The following ENPP3 variants were observed in gnomAD, a reference collection of about 807,000 sequenced individuals.
ENPP3 encodes ectonucleotide pyrophosphatase/phosphodiesterase 3.
A neutral mutation model predicts 117.8 loss-of-function variants in ENPP3; 104 were observed. The observed-to-expected ratio is 0.88, with a 90% CI of 0.75 to 1.04. The LOEUF (loss-of-function observed/expected upper bound fraction) is 1.04, where lower values mean the gene tolerates loss of function less well. ENPP3 is among the 50% of genes least tolerant of loss of function. The pLI is 0.00. For synonymous variants in ENPP3, 380 were observed against 349.9 expected (o/e 1.09, Z -0.96); for missense variants, 1,026 against 1,051.9 (o/e 0.98, Z 0.34).
chr6:131,739,598 T>A (rs1016021371), intron 23 of ENPP3, among the ~76,000 whole-genome samples: 1 of 146,348 alleles, frequency 6.8e-6, no homozygotes, highest in Non-Finnish European at 1.5e-5. Flanking sequence ...CTCTGCTTTT[T>A]TTTTTTTTTT....
chr6:131,696,114 A>G (rs1779399802), intron 15 of ENPP3, among the ~76,000 whole-genome samples: 1 of 152,196 alleles, frequency 6.6e-6, no homozygotes, highest in Non-Finnish European at 1.5e-5. Context: ...TTTCATCATC[A>G]TCATCTTTAT....
At chr6:131,645,652 C>A (rs1050911443) in intron 2 of ENPP3, among the ~76,000 whole-genome samples, 5 of 152,210 alleles carry the variant, frequency 3.3e-5, no homozygotes, top group Non-Finnish European at 7.3e-5. Flanking sequence ...TCTAACCTAA[C>A]ACTTGACAGT....
intron 14 of ENPP3, among the ~76,000 whole-genome samples, chr6:131,689,459 T>C (rs1779230502): frequency 6.6e-6 from 1 of 152,186 alleles, no homozygotes; most frequent in Non-Finnish European, 1.5e-5. Flanking sequence ...CAACAAAGCC[T>C]GATGACAGCT....
At chr6:131,660,989 G>A (rs555440380) in intron 6 of ENPP3, among the ~76,000 whole-genome samples, 50 of 152,188 alleles carry the variant, frequency 3.3e-4, no homozygotes, top group African/African-American at 9.4e-4. Flanking sequence ...CAGTATTAGC[G>A]TGTCTGTGAC....
chr6:131,689,264 C>G (rs1029323410), intron 14 of ENPP3, among the ~76,000 whole-genome samples: 4 of 152,166 alleles, frequency 2.6e-5, no homozygotes, highest in Non-Finnish European at 5.9e-5. Context: ...AAGATGCCAT[C>G]TAGGACTTTC....
chr6:131,726,406 G>C (rs1780156061), intron 20 of ENPP3, among the ~76,000 whole-genome samples: 1 of 152,162 alleles, frequency 6.6e-6, no homozygotes, highest in Non-Finnish European at 1.5e-5. Flanking sequence ...GTTTTACCTG[G>C]AGAAAATGGA....
intron 14 of ENPP3, among the ~76,000 whole-genome samples, chr6:131,688,281 C>T (rs745625362): frequency 6.6e-6 from 1 of 152,262 alleles, no homozygotes; most frequent in East Asian, 1.9e-4. Flanking sequence ...CTTCTGGACT[C>T]TTCTATTCCC....
intron 24 of ENPP3, among the ~76,000 whole-genome samples, chr6:131,740,666 A>T (rs1002465538): frequency 2.6e-5 from 4 of 152,230 alleles, no homozygotes; most frequent in African/African-American, 9.6e-5. Flanking sequence ...AATCTTGTTA[A>T]TCTCTTTTTT....
intron 19 of ENPP3, among the ~76,000 whole-genome samples, chr6:131,724,878 G>A (rs1780119161): frequency 1.3e-5 from 2 of 151,680 alleles, no homozygotes; most frequent in South Asian, 2.1e-4. Context: ...CTATTAGGTT[G>A]GTGCAAAATT....
At chr6:131,680,710 A>G (rs1290389139) in intron 11 of ENPP3, among the ~76,000 whole-genome samples, 7 of 152,202 alleles carry the variant, frequency 4.6e-5, no homozygotes, top group Admixed American at 2.6e-4. Flanking sequence ...AGGCGATTTT[A>G]GTTTATTTTG....
At position 131,674,173 on chromosome 6, in the gene ENPP3, A is replaced by G. The variant is rs9493048; in HGVS notation, c.654A>G (p.Pro218=). 213,987 of 1,538,632 alleles carry G rather than the reference A, an allele frequency of 0.14. 22,487 individuals carry two copies. The highest frequency in any genetic ancestry group is 0.47 in the African/African-American group (33,608 of 71,778). The part of the protein sequence containing the change: ...NHYTIVTGLY[P]ESHGIIDNNM... ...AATTATCATTTTAGGGCTTGTATCC[A>G]GAGTCACATGGCATCATTGACAATA... Residue 218 remains proline, a synonymous_variant, in exon 8 of 25, where the codon CCA becomes CCG. Transcript: ENST00000357639.
intron 2 of ENPP3, 140 bp downstream of exon 2, chr6:131,641,670 C>G (rs1050760815): frequency 7.2e-6 from 4 of 555,780 alleles, no homozygotes; most frequent in Admixed American, 5.5e-5. Flanking sequence ...CCTTTCCCCA[C>G]TCTACTTATC....
chr6:131,684,771 TATAAATTTA>T (rs1253914415), intron 12 of ENPP3, among the ~76,000 whole-genome samples: 2 of 152,212 alleles, frequency 1.3e-5, no homozygotes, highest in Non-Finnish European at 2.9e-5. Flanking sequence ...GTACTCCTTA[TATAAATTTA>T]AATTACTTTA....
intron 22 of ENPP3, among the ~76,000 whole-genome samples, chr6:131,737,747 G>C (rs1780429960): frequency 6.6e-6 from 1 of 152,104 alleles, no homozygotes. Context: ...TGTGTGTTCT[G>C]ATCATTTTTA....
Position 131,677,855 on chromosome 6 carries a change from A to G in ENPP3, c.939-13A>G, listed in dbSNP as rs775585389. On this transcript the variant is annotated splice_polypyrimidine_tract_variant and intron_variant, in intron 10 of 24. Transcript: ENST00000357639. ...AAATTGATAATATATTTCTGTTTCA[A>G]TTTTACCCCTAGACCCAGGTTTTAT... 10 of 1,564,758 alleles carry G rather than the reference A, an allele frequency of 6.4e-6. No individual in the cohort carries two copies. The South Asian group carries it at 1.0e-4, about 16-fold the overall frequency.
At chr6:131,661,924 T>C (rs919055400) in intron 6 of ENPP3, among the ~76,000 whole-genome samples, 2 of 152,250 alleles carry the variant, frequency 1.3e-5, no homozygotes, top group Non-Finnish European at 2.9e-5. Flanking sequence ...TGTCCATTTT[T>C]GCTTTTATTG....
At chr6:131,669,119 G>A (rs9493043) in intron 6 of ENPP3, among the ~76,000 whole-genome samples, 7,718 of 152,208 alleles carry the variant, frequency 0.051, 368 homozygotes, top group African/African-American at 0.13. Flanking sequence ...CTGACTTTAT[G>A]TATCTGTTCA....
At chr6:131,671,137 C>T in intron 6 of ENPP3, 111 bp from the exon 7 acceptor site, 2 of 715,034 alleles carry the variant, frequency 2.8e-6, no homozygotes, top group Non-Finnish European at 5.0e-6. Context: ...CTTTAATCCA[C>T]TTTTTAGTTT....
intron 9 of ENPP3, among the ~76,000 whole-genome samples, chr6:131,675,773 T>C (rs1778854308): frequency 6.6e-6 from 1 of 152,138 alleles, no homozygotes; most frequent in Non-Finnish European, 1.5e-5. Context: ...AGGTGGAGGT[T>C]GCAGTGAGCT....
Sources: allele counts gnomAD v4.1 joint callset (sites outside exome capture counted in the v4.1 genomes callset), GRCh38; gene constraint gnomAD v4.1.1; transcripts MANE v1.5; gene names NCBI Gene and HGNC (gene_info 2026-07-23, HGNC 2026-07-21).